The following SHROOM3 variants were observed in gnomAD, a reference collection of about 807,000 sequenced individuals.
SHROOM3 encodes the protein protein Shroom3.
In SHROOM3, 47 loss-of-function variants were observed where a neutral mutation model predicts 138.6. The ratio of observed to expected loss-of-function variants is 0.34; its 90% CI spans 0.27 to 0.43. SHROOM3 has a LOEUF of 0.43. Among genes scored for constraint, SHROOM3 ranks in the 20% least tolerant of loss-of-function variants. SHROOM3 has a pLI of 1.00. For missense variants in SHROOM3, 2,491 were observed against 2,596.5 expected, an observed-to-expected ratio of 0.96 and a Z score of 0.88; for synonymous variants, 1,062 against 1,063.3, an observed-to-expected ratio of 1.00 and a Z score of 0.02.
At chr4:76,453,984 AAG>A (rs1305855084) in intron 1 of SHROOM3, among the ~76,000 whole-genome samples, 1 of 152,072 alleles carries the variant, frequency 6.6e-6, no homozygotes, top group Non-Finnish European at 1.5e-5. Context: ...ATTTTTTTCT[AAG>A]AGTTTTCTAG....
chr4:76,652,752 CCTCT>C (rs10681383), intron 2 of SHROOM3, among the ~76,000 whole-genome samples: 5 of 149,436 alleles, frequency 3.3e-5, no homozygotes, highest in Non-Finnish European at 4.5e-5. Flanking sequence ...CTTGAGTCTC[CCTCT>C]CTCTCTCTCT....
chr4:76,774,685 T>G lies in SHROOM3; in HGVS notation c.5622+3787T>G, dbSNP rs546942507. ...ACTTTGAAAGGCATCCTCATTCAAA[T>G]TCAGTCCCTCAGGGTTTTTTGGGGT... On this transcript the variant is annotated intron_variant, in intron 10 of 10. Coordinates refer to ENST00000296043, the MANE Select transcript of SHROOM3 (RefSeq NM_020859.4). Among the ~76,000 whole-genome samples the G allele has an allele frequency of 8.1e-4, 122 of 151,156 alleles. 1 individual carries two copies. The highest frequency in any genetic ancestry group is 1.4e-3 in the Non-Finnish European group (95 of 67,858).
intron 2 of SHROOM3, among the ~76,000 whole-genome samples, chr4:76,603,184 C>T (rs550017898): frequency 5.1e-4 from 78 of 152,102 alleles, no homozygotes; most frequent in African/African-American, 1.6e-3. Context: ...TTTGGAAGGC[C>T]GAGGAGAACG....
At chr4:76,749,749 C>A (rs567167477) in intron 6 of SHROOM3, among the ~76,000 whole-genome samples, 114 of 152,194 alleles carry the variant, frequency 7.5e-4, no homozygotes, top group African/African-American at 2.6e-3. Flanking sequence ...AATCATATAT[C>A]CTGGGTAGAA....
chr4:76,738,920 C>T lies in SHROOM3; in HGVS notation c.747C>T (p.Leu249=). The change falls in exon 5 of 11, where the codon CTC becomes CTT. Residue 249 remains leucine, a synonymous_variant. Coordinates refer to ENST00000296043, the MANE Select transcript of SHROOM3 (RefSeq NM_020859.4). ...PAKSTGSIDQ[L]SHFHNKRDSA... is the part of the protein sequence containing the mutation. Reference sequence around the variant, plus strand: ...AGTCCACCGGCAGCATTGACCAGCTCAGCCACTTCCATAACAAGAGAGACT... The same window carrying T: ...AGTCCACCGGCAGCATTGACCAGCTTAGCCACTTCCATAACAAGAGAGACT... 1 of 1,614,256 alleles carries T rather than the reference C, an allele frequency of 6.2e-7. No individual in the cohort carries two copies. The highest frequency in any genetic ancestry group is 8.5e-7 in the Non-Finnish European group (1 of 1,180,048).
chr4:76,705,904 C>T lies in SHROOM3; in HGVS notation c.324-4252C>T, dbSNP rs762365597. Among the ~76,000 whole-genome samples, 11 of 152,246 alleles carry T rather than the reference C, an allele frequency of 7.2e-5. No individual in the cohort carries two copies. In the South Asian group the frequency reaches 1.5e-3, roughly 20 times the overall value. ...TCTGTTGAACATTTAGCAGTACAGT[C>T]GACCCTTGAACAACACAGGGGGATT... On this transcript the variant is annotated intron_variant, in intron 2 of 10. Coordinates refer to ENST00000296043, the MANE Select transcript of SHROOM3 (RefSeq NM_020859.4).
intron 2 of SHROOM3, among the ~76,000 whole-genome samples, chr4:76,665,665 A>G (rs1015909709): frequency 6.6e-6 from 1 of 152,170 alleles, no homozygotes; most frequent in African/African-American, 2.4e-5. Flanking sequence ...TCTGTCTCTC[A>G]TGATCCCAAT....
intron 1 of SHROOM3, among the ~76,000 whole-genome samples, chr4:76,490,043 AC>A (rs1731817615): frequency 1.3e-5 from 2 of 152,212 alleles, no homozygotes; most frequent in South Asian, 4.1e-4. Flanking sequence ...CCCATTGGCC[AC>A]TTCATGCTCA....
intron 1 of SHROOM3, among the ~76,000 whole-genome samples, chr4:76,517,725 C>T (rs1209000431): frequency 2.6e-5 from 4 of 151,844 alleles, no homozygotes; most frequent in Non-Finnish European, 4.4e-5. Flanking sequence ...AATTCTCAGA[C>T]CAATGAGGGC....
intron 2 of SHROOM3, among the ~76,000 whole-genome samples, chr4:76,608,464 G>T (rs1734668391): frequency 6.6e-6 from 1 of 152,058 alleles, no homozygotes; most frequent in African/African-American, 2.4e-5. Flanking sequence ...TGTTCTCTCA[G>T]TCCATTGGCC....
intron 1 of SHROOM3, among the ~76,000 whole-genome samples, chr4:76,542,221 C>T (rs1224863345): frequency 1.3e-5 from 2 of 152,190 alleles, no homozygotes; most frequent in Non-Finnish European, 2.9e-5. Flanking sequence ...CAATATTCCC[C>T]AGCAGTAGGT....
intron 2 of SHROOM3, chr4:76,709,850 A>G (rs1290143804): frequency 1.2e-5 from 4 of 329,246 alleles, no homozygotes; most frequent in South Asian, 2.8e-5. Context: ...GTTTGTCTTT[A>G]TAACAGTTAA....
chr4:76,475,143 A>G (rs1272520121), intron 1 of SHROOM3, among the ~76,000 whole-genome samples: 5 of 152,142 alleles, frequency 3.3e-5, no homozygotes, highest in African/African-American at 7.2e-5. Flanking sequence ...AGCCTGGTAA[A>G]TTGAATTATA....
At chr4:76,525,613 T>G (rs1397851009) in intron 1 of SHROOM3, among the ~76,000 whole-genome samples, 5 of 152,224 alleles carry the variant, frequency 3.3e-5, no homozygotes, top group African/African-American at 1.2e-4. Flanking sequence ...TGATGTAACC[T>G]CTGCAGTTGG....
At chr4:76,701,499 C>T (rs1249423936) in intron 2 of SHROOM3, among the ~76,000 whole-genome samples, 1 of 152,254 alleles carries the variant, frequency 6.6e-6, no homozygotes, top group Admixed American at 6.5e-5. Context: ...ATAATACTTG[C>T]TTTACTTGCC....
rs1297926745 is a variant in SHROOM3, at chr4:76,598,620, G to A, written c.323+42857G>A. Among the ~76,000 whole-genome samples the A allele has an allele frequency of 2.6e-5, 4 of 152,172 alleles. No individual in the cohort carries two copies. In the East Asian group the frequency reaches 5.8e-4, roughly 22 times the overall value. ...GGTGGCCAGGAAGTGGGGAGCAGGG[G>A]CTAAAATTCAGCCCGTGCTTCGCCC... On this transcript the variant is annotated intron_variant, in intron 2 of 10. Coordinates refer to ENST00000296043, the MANE Select transcript of SHROOM3 (RefSeq NM_020859.4).
At chr4:76,605,036 C>A (rs370334184) in intron 2 of SHROOM3, among the ~76,000 whole-genome samples, 4 of 152,202 alleles carry the variant, frequency 2.6e-5, no homozygotes, top group African/African-American at 9.7e-5. Flanking sequence ...TGAAGCATTA[C>A]TAATAAACAT....
intron 3 of SHROOM3, among the ~76,000 whole-genome samples, chr4:76,717,118 T>G (rs1302346334): frequency 6.6e-6 from 1 of 152,192 alleles, no homozygotes; most frequent in Non-Finnish European, 1.5e-5. Context: ...GTTGGTGTTT[T>G]TTGTTTGTTT....
chr4:76,547,088 C>G (rs1276261879), intron 1 of SHROOM3, among the ~76,000 whole-genome samples: 1 of 152,182 alleles, frequency 6.6e-6, no homozygotes, highest in Non-Finnish European at 1.5e-5. Flanking sequence ...GCTGTTAAGC[C>G]TGTAAACCAC....
Sources: gnomAD v4.1 joint callset for allele counts (sites outside exome capture counted in the v4.1 genomes callset) on GRCh38, gnomAD v4.1.1 for gene constraint, MANE v1.5 for transcripts, NCBI Gene and HGNC (gene_info 2026-07-23, HGNC 2026-07-21) for gene names.